FRMD4A: variants seen among roughly 807,000 people sequenced by gnomAD.
The protein encoded by FRMD4A is FERM domain-containing protein 4A.
In FRMD4A, 29 loss-of-function variants were observed where a neutral mutation model predicts 129.1. The observed-to-expected ratio is 0.22, with a 90% CI of 0.17 to 0.31. The LOEUF (loss-of-function observed/expected upper bound fraction) is 0.31, where lower values mean the gene tolerates loss of function less well. Ranked by LOEUF, FRMD4A falls within the 10% of genes least tolerant of loss-of-function variation. The pLI, the probability that FRMD4A is intolerant of heterozygous loss-of-function variation, is 1.00. For synonymous variants in FRMD4A, 634 were observed against 571.6 expected (o/e 1.11, Z -1.56); for missense variants, 1,272 against 1,375.8 (o/e 0.92, Z 1.19).
chr10:14,092,648 C>T (rs936734686), intron 2 of FRMD4A, among the ~76,000 whole-genome samples: 4 of 152,176 alleles, frequency 2.6e-5, no homozygotes, highest in African/African-American at 4.8e-5. Context: ...TGATCCTCAT[C>T]GAAGGGATAC....
rs867265124 is a variant in FRMD4A, at chr10:13,669,343, G to A, written c.1374+1063C>T. Among the ~76,000 whole-genome samples the A allele has an allele frequency of 2.6e-4, 39 of 152,114 alleles. 2 individuals carry two copies. Among genetic ancestry groups the A allele is most frequent in the Admixed American group, 1.3e-4 (2 of 15,276 alleles). ...TCCCAAAGTGCTGGGATTTTGCAGC[G>A]AAAGGCGTGGGCCACCACGCCCGGC... On this transcript the variant is annotated intron_variant, in intron 17 of 24. Transcript: ENST00000357447.
chr10:13,765,114 G>GT (rs1202429085), intron 6 of FRMD4A, among the ~76,000 whole-genome samples: 193 of 105,484 alleles, frequency 1.8e-3, no homozygotes, highest in Middle Eastern at 5.4e-3. Context: ...TTTTTTTTTT[G>GT]TTTTTTTTTT....
chr10:14,161,679 G>A (rs988808516), intron 2 of FRMD4A, among the ~76,000 whole-genome samples: 1 of 152,168 alleles, frequency 6.6e-6, no homozygotes, highest in Non-Finnish European at 1.5e-5. Flanking sequence ...TTGGAGAGGG[G>A]ACATGAGGAG....
chr10:13,670,545 G>A lies in FRMD4A; in HGVS notation c.1252-17C>T, dbSNP rs2083428101. 7 of 1,610,238 alleles carry A rather than the reference G, an allele frequency of 4.3e-6. No homozygotes were observed. The highest frequency in any genetic ancestry group is 2.2e-5 in the East Asian group (1 of 44,694). On this transcript the variant is annotated splice_polypyrimidine_tract_variant and intron_variant, in intron 16 of 24. Coordinates refer to ENST00000357447, the MANE Select transcript of FRMD4A (RefSeq NM_018027.5). ...CGTGAGCTCCTGCATATGTGAAATGGCATTCGGAGTGAGCACAAATCAGAG... is the reference window on the plus strand; with the variant it reads ...CGTGAGCTCCTGCATATGTGAAATGACATTCGGAGTGAGCACAAATCAGAG...
At position 13,706,142 on chromosome 10, in the gene FRMD4A, C is replaced by T. The variant is rs547540522; in HGVS notation, c.836+895G>A. Among the ~76,000 whole-genome samples, 23 of 152,312 alleles carry T rather than the reference C, an allele frequency of 1.5e-4. No homozygotes were observed. In the South Asian group the frequency reaches 2.9e-3, roughly 19 times the overall value. ...AAGCCCAGGGCTGGAGCGTCAACAG[C>T]GCCTAAAACCCACTTTTGCTCCTCT... On this transcript the variant is annotated intron_variant, in intron 13 of 24. Transcript: ENST00000357447.
intron 2 of FRMD4A, among the ~76,000 whole-genome samples, chr10:14,094,305 C>A (rs1405191492): frequency 1.3e-5 from 2 of 152,226 alleles, no homozygotes; most frequent in Non-Finnish European, 2.9e-5. Context: ...ATGATGAGGC[C>A]TGTGCAGGAG....
intron 2 of FRMD4A, among the ~76,000 whole-genome samples, chr10:14,038,003 C>G (rs747463494): frequency 7.2e-5 from 11 of 152,094 alleles, no homozygotes; most frequent in Non-Finnish European, 1.0e-4. Context: ...ATGTTAGAAC[C>G]ATCTACTCAC....
intron 15 of FRMD4A, among the ~76,000 whole-genome samples, chr10:13,682,118 G>A (rs1308927392): frequency 6.6e-6 from 1 of 152,050 alleles, no homozygotes; most frequent in East Asian, 1.9e-4. Flanking sequence ...CAGCTACGCT[G>A]GAGGCTGAGA....
chr10:13,938,784 A>T (rs1435691799), intron 2 of FRMD4A, among the ~76,000 whole-genome samples: 10 of 152,088 alleles, frequency 6.6e-5, no homozygotes, highest in Admixed American at 6.6e-4. Flanking sequence ...TACCAGCATC[A>T]GTTGGTAGAG....
chr10:14,200,171 G>T (rs767173743), intron 2 of FRMD4A, among the ~76,000 whole-genome samples: 1 of 150,370 alleles, frequency 6.7e-6, no homozygotes. Context: ...GGGATTACAC[G>T]CATGAGCCAC....
At chr10:14,283,980 A>G (rs927618661) in intron 2 of FRMD4A, among the ~76,000 whole-genome samples, 1 of 147,874 alleles carries the variant, frequency 6.8e-6, no homozygotes, top group Non-Finnish European at 1.5e-5. Flanking sequence ...TGAAGAGGTA[A>G]GTAACTTGCT....
At chr10:14,234,685 A>G (rs1490076324) in intron 2 of FRMD4A, among the ~76,000 whole-genome samples, 3 of 152,206 alleles carry the variant, frequency 2.0e-5, no homozygotes, top group African/African-American at 7.2e-5. Flanking sequence ...AGAACCTGAT[A>G]ACCACAGCGT....
intron 12 of FRMD4A, chr10:13,707,388 G>A: frequency 8.9e-7 from 1 of 1,128,866 alleles, no homozygotes; most frequent in South Asian, 3.5e-5. Context: ...CCTTCGGTCG[G>A]CCTTTGTTGG....
At chr10:13,755,301 C>T in intron 8 of FRMD4A, among the ~76,000 whole-genome samples, 1 of 152,102 alleles carries the variant, frequency 6.6e-6, no homozygotes, top group East Asian at 1.9e-4. Context: ...TTTCGGATAC[C>T]AGTAAGTTGA....
chr10:13,801,876 A>T (rs10796131), intron 4 of FRMD4A, among the ~76,000 whole-genome samples: 51,705 of 152,114 alleles, frequency 0.34, 9,961 homozygotes, highest in Non-Finnish European at 0.43. Context: ...ATGGAATGGG[A>T]CGAAAAGTCA....
At chr10:13,927,850 T>C (rs1335912895) in intron 2 of FRMD4A, among the ~76,000 whole-genome samples, 6 of 152,214 alleles carry the variant, frequency 3.9e-5, no homozygotes. Context: ...TAAGTTAAGA[T>C]GGAGCTCATA....
chr10:13,946,582 C>T (rs1466799397), intron 2 of FRMD4A, among the ~76,000 whole-genome samples: 1 of 151,816 alleles, frequency 6.6e-6, no homozygotes, highest in Admixed American at 6.6e-5. Context: ...TTTTAGTGAT[C>T]CTTTACCTTG....
intron 2 of FRMD4A, among the ~76,000 whole-genome samples, chr10:14,063,142 C>A (rs1441643802): frequency 6.6e-6 from 1 of 151,758 alleles, no homozygotes; most frequent in African/African-American, 2.4e-5. Flanking sequence ...ACGTATTTTG[C>A]AGACATGACT....
intron 2 of FRMD4A, among the ~76,000 whole-genome samples, chr10:14,256,214 C>T (rs1844609483): frequency 6.6e-6 from 1 of 151,802 alleles, no homozygotes; most frequent in Non-Finnish European, 1.5e-5. Context: ...TCTAAGAATG[C>T]ATTGCTAAGA....
Sources: allele counts gnomAD v4.1 joint callset (sites outside exome capture counted in the v4.1 genomes callset), GRCh38; gene constraint gnomAD v4.1.1; transcripts MANE v1.5; gene names NCBI Gene and HGNC (gene_info 2026-07-23, HGNC 2026-07-21).